Variants in PRR16 observed in about 807,000 individuals in gnomAD.
PRR16 encodes the protein protein Largen.
Under a neutral mutation model 18.2 loss-of-function variants are expected in PRR16, and 6 were observed. That is an observed-to-expected ratio of 0.33 (90% CI 0.18 to 0.65). The LOEUF (loss-of-function observed/expected upper bound fraction) is 0.65, where lower values mean the gene tolerates loss of function less well. Among genes scored for constraint, PRR16 ranks in the 30% least tolerant of loss-of-function variants. The pLI, the probability that PRR16 is intolerant of heterozygous loss-of-function variation, is 0.74. For synonymous variants in PRR16, 151 were observed against 147.8 expected (o/e 1.02, Z -0.16); for missense variants, 412 against 376.6 (o/e 1.09, Z -0.78).
chr5:120,518,157 A>T (rs375375513), intron 1 of PRR16, among the ~76,000 whole-genome samples: 1 of 152,176 alleles, frequency 6.6e-6, no homozygotes, highest in South Asian at 2.1e-4. Flanking sequence ...TGACAGTAAT[A>T]CATATCGCTC....
chr5:120,646,070 A>G (rs1755590611), intron 1 of PRR16, among the ~76,000 whole-genome samples: 1 of 124,622 alleles, frequency 8.0e-6, no homozygotes, highest in Admixed American at 8.0e-5. Context: ...ATATATATAT[A>G]TATATCATAG....
At chr5:120,618,746 T>C (rs1031634199) in intron 1 of PRR16, among the ~76,000 whole-genome samples, 1 of 151,948 alleles carries the variant, frequency 6.6e-6, no homozygotes, top group African/African-American at 2.4e-5. Context: ...TTTTTTTTGT[T>C]TCCTTTCCTT....
chr5:120,766,974 AAATTGGAATACT>A, the PRR16 span, among the ~76,000 whole-genome samples: 2 of 151,924 alleles, frequency 1.3e-5, no homozygotes, highest in African/African-American at 4.8e-5. Flanking sequence ...TTTATTTCAG[AAATTGGAATACT>A]AAGAGAAAAT....
At chr5:120,679,058 A>G (rs1245258012) in intron 1 of PRR16, among the ~76,000 whole-genome samples, 1 of 152,158 alleles carries the variant, frequency 6.6e-6, no homozygotes, top group Non-Finnish European at 1.5e-5. Context: ...ATTTATCACT[A>G]TTTTTAATTA....
intron 1 of PRR16, among the ~76,000 whole-genome samples, chr5:120,500,124 C>T (rs1314002576): frequency 2.0e-5 from 3 of 152,130 alleles, no homozygotes; most frequent in Non-Finnish European, 4.4e-5. Flanking sequence ...TGCTGGTGCA[C>T]ATGAGGGTGG....
rs141531641 is a variant in PRR16 at position 120,605,945 on chromosome 5, A to G, written c.160-80009A>G. 2.1e-3 allele frequency among the ~76,000 whole-genome samples: 314 copies of G among 152,262 alleles called. 1 individual carries two copies. The highest frequency in any genetic ancestry group is 7.4e-3 in the African/African-American group (307 of 41,552). On this transcript the variant is annotated intron_variant, in intron 1 of 1. Transcript: ENST00000407149. Reference sequence around the variant, plus strand: ...CAACACTCCAATGGGGCTGCCAGCAAAAGCACTCCAGCCAGGCAGTATGTT... The same window carrying G: ...CAACACTCCAATGGGGCTGCCAGCAGAAGCACTCCAGCCAGGCAGTATGTT...
chr5:120,701,597 G>A, the PRR16 span, among the ~76,000 whole-genome samples: 47,204 of 151,914 alleles, frequency 0.31, 7,811 homozygotes, highest in Middle Eastern at 0.43. Flanking sequence ...TAGGGTGGAG[G>A]AGCAGAGGCT....
chr5:120,588,760 T>G (rs1160742085), intron 1 of PRR16, among the ~76,000 whole-genome samples: 1 of 152,136 alleles, frequency 6.6e-6, no homozygotes, highest in Non-Finnish European at 1.5e-5. Context: ...TGACCTTAAG[T>G]AATTCATCAT....
At chr5:120,754,998 T>C in the PRR16 span, among the ~76,000 whole-genome samples, 70 of 150,628 alleles carry the variant, frequency 4.6e-4, no homozygotes, top group Non-Finnish European at 8.7e-4. Flanking sequence ...TTGATCATTT[T>C]TCAGCTGTAT....
intron 1 of PRR16, among the ~76,000 whole-genome samples, chr5:120,587,756 T>C (rs778709082): frequency 6.6e-6 from 1 of 152,234 alleles, no homozygotes; most frequent in Non-Finnish European, 1.5e-5. Flanking sequence ...ATGCCTGTTA[T>C]CACAACAGCC....
chr5:120,587,867 C>G (rs970245677), intron 1 of PRR16, among the ~76,000 whole-genome samples: 1 of 152,122 alleles, frequency 6.6e-6, no homozygotes, highest in Admixed American at 6.6e-5. Flanking sequence ...AGTAATTCTT[C>G]TGATGGATAT....
intron 1 of PRR16, among the ~76,000 whole-genome samples, chr5:120,641,373 A>G (rs545374223): frequency 6.6e-6 from 1 of 152,132 alleles, no homozygotes; most frequent in Non-Finnish European, 1.5e-5. Context: ...TTAGATAAAC[A>G]TAAGCAACAG....
chr5:120,628,759 G>A (rs1350347769), intron 1 of PRR16, among the ~76,000 whole-genome samples: 1 of 149,044 alleles, frequency 6.7e-6, no homozygotes, highest in South Asian at 2.1e-4. Flanking sequence ...TCATCTATCT[G>A]TCTTTCCCAT....
the PRR16 span, among the ~76,000 whole-genome samples, chr5:120,728,817 C>T: frequency 0.013 from 1,995 of 152,218 alleles, 16 homozygotes; most frequent in Non-Finnish European, 0.021. Context: ...AATCATATGT[C>T]GGTGATTATG....
chr5:120,733,631 C>A, the PRR16 span, among the ~76,000 whole-genome samples: 3 of 152,090 alleles, frequency 2.0e-5, no homozygotes, highest in African/African-American at 2.4e-5. Context: ...ACCTATGCCC[C>A]GCTCTCTCAG....
chr5:120,764,505 C>T, the PRR16 span, among the ~76,000 whole-genome samples: 2 of 151,640 alleles, frequency 1.3e-5, no homozygotes, highest in Non-Finnish European at 2.9e-5. Flanking sequence ...TAGATATAGG[C>T]CTGTAGTTTT....
intron 1 of PRR16, among the ~76,000 whole-genome samples, chr5:120,666,302 T>A (rs1311151309): frequency 6.6e-6 from 1 of 152,246 alleles, no homozygotes; most frequent in Non-Finnish European, 1.5e-5. Flanking sequence ...TTTTGTACAT[T>A]GATTTTGTAT....
chr5:120,758,364 A>G, the PRR16 span, among the ~76,000 whole-genome samples: 1 of 149,588 alleles, frequency 6.7e-6, no homozygotes, highest in African/African-American at 2.4e-5. Context: ...CTTGAATTTC[A>G]TTTAGATGTT....
intron 1 of PRR16, among the ~76,000 whole-genome samples, chr5:120,555,343 A>C (rs1752374523): frequency 6.6e-6 from 1 of 152,006 alleles, no homozygotes; most frequent in African/African-American, 2.4e-5. Context: ...TTAGGCTGCC[A>C]CGACAAAATA....
Sources: allele counts gnomAD v4.1 joint callset (sites outside exome capture counted in the v4.1 genomes callset), GRCh38; gene constraint gnomAD v4.1.1; transcripts MANE v1.5; gene names NCBI Gene and HGNC (gene_info 2026-07-23, HGNC 2026-07-21).